Variants in CFAP299 observed in about 807,000 individuals in gnomAD.
CFAP299 encodes cilia- and flagella-associated protein 299.
A neutral mutation model predicts 27.0 loss-of-function variants in CFAP299; 21 were observed. That is an observed-to-expected ratio of 0.78 (90% CI 0.55 to 1.12). The LOEUF is 1.12. Ranked by LOEUF, CFAP299 falls within the 50% of genes most tolerant of loss-of-function variation. The probability of loss-of-function intolerance (pLI) is 0.00; values close to 1 mark genes in which losing one functional copy is unlikely to be tolerated. For missense variants in CFAP299, 310 were observed against 276.6 expected (o/e 1.12, Z -0.86); for synonymous variants, 104 against 98.1 (o/e 1.06, Z -0.36).
chr4:80,552,154 T>G (rs1159751642), intron 2 of CFAP299, among the ~76,000 whole-genome samples: 1 of 152,240 alleles, frequency 6.6e-6, no homozygotes, highest in East Asian at 1.9e-4. Flanking sequence ...TAGAAGGTAG[T>G]TTGTTTTCTT....
chr4:80,432,256 A>G (rs1578435873), intron 2 of CFAP299, among the ~76,000 whole-genome samples: 1 of 151,820 alleles, frequency 6.6e-6, no homozygotes, highest in African/African-American at 2.4e-5. Flanking sequence ...GGTTCAAGTG[A>G]TTCTCCTGCC....
rs200735611 is a variant in CFAP299, at chr4:80,866,142, G to GA, written c.334-3848dup. 7.4e-3 allele frequency among the ~76,000 whole-genome samples: 956 copies of GA among 128,724 alleles called. 7 individuals are homozygous for GA. Among genetic ancestry groups the GA allele is most frequent in the African/African-American group, 0.024 (906 of 37,478 alleles). The allele number at this position is 128,724 out of a possible 152,430, so 84.4% of individuals were successfully genotyped here. ...TTTTACACATATGTAACCATACTTG[G>GA]AAAGACATAATGAGGGAATTTACAT... On this transcript the variant is annotated intron_variant, in intron 3 of 5. Transcript: ENST00000358105.
chr4:80,957,203 A>G (rs551031952), intron 5 of CFAP299, among the ~76,000 whole-genome samples: 3 of 152,184 alleles, frequency 2.0e-5, no homozygotes, highest in African/African-American at 7.2e-5. Context: ...TTTTACCCAT[A>G]TTTTATACTT....
chr4:80,823,843 T>G (rs1729838705), intron 3 of CFAP299, among the ~76,000 whole-genome samples: 2 of 152,168 alleles, frequency 1.3e-5, no homozygotes, highest in Non-Finnish European at 2.9e-5. Flanking sequence ...AGCACTAATT[T>G]ATAGAATTAG....
chr4:80,651,517 C>T (rs190065054), intron 3 of CFAP299, among the ~76,000 whole-genome samples: 4 of 151,724 alleles, frequency 2.6e-5, no homozygotes, highest in East Asian at 3.9e-4. Flanking sequence ...AGTTGTGCGC[C>T]GCCACACCTA....
intron 2 of CFAP299, among the ~76,000 whole-genome samples, chr4:80,537,871 G>T (rs1198958630): frequency 6.6e-6 from 1 of 151,908 alleles, no homozygotes; most frequent in Non-Finnish European, 1.5e-5. Context: ...ATATTAATTA[G>T]CTTGATTTAA....
intron 3 of CFAP299, among the ~76,000 whole-genome samples, chr4:80,762,138 A>AAT (rs55693046): frequency 0.022 from 3,282 of 151,044 alleles, 50 homozygotes; most frequent in Non-Finnish European, 0.031. Flanking sequence ...ATAAATGAGA[A>AAT]ATATATATAT....
chr4:80,800,574 ATAAATATATAAT>A (rs1728487372), intron 3 of CFAP299, among the ~76,000 whole-genome samples: 1 of 79,424 alleles, frequency 1.3e-5, no homozygotes, highest in East Asian at 3.2e-4. Flanking sequence ...ATATATTAAT[ATAAATATATAAT>A]ATATAATATA....
Position 80,574,944 on chromosome 4 carries a change from T to A in CFAP299, c.243-8149T>A, listed in dbSNP as rs1578620264. ...TCTTTTTTTGATGTATCTTTGTAGG[T>A]AGTTTTGGTATCAAAGTAATACTGG... On this transcript the variant is annotated intron_variant, in intron 2 of 5. Coordinates refer to ENST00000358105, the MANE Select transcript of CFAP299 (RefSeq NM_152770.3). Among the ~76,000 whole-genome samples, 10 of 149,606 alleles carry A rather than the reference T, an allele frequency of 6.7e-5. No individual in the cohort carries two copies. In the South Asian group the frequency reaches 2.2e-3, roughly 33 times the overall value.
rs186752487 is a variant in CFAP299, at chr4:80,868,487, G to C, written c.334-1506G>C. On this transcript the variant is annotated intron_variant, in intron 3 of 5. Coordinates refer to ENST00000358105, the MANE Select transcript of CFAP299 (RefSeq NM_152770.3). ...TGCATTTTTGATTTCTCAGCTTTCT[G>C]TTGAGGCAATAAGTTCTATGCGCCT... 3.8e-3 allele frequency among the ~76,000 whole-genome samples: 582 copies of C among 152,212 alleles called. 1 individual carries two copies. Among genetic ancestry groups the C allele is most frequent in the Middle Eastern group, 0.014 (4 of 294 alleles).
chr4:80,904,331 T>A (rs1022628531), intron 4 of CFAP299, among the ~76,000 whole-genome samples: 1 of 152,134 alleles, frequency 6.6e-6, no homozygotes, highest in African/African-American at 2.4e-5. Context: ...TGGGAGTGCA[T>A]ATGAGCAAGT....
chr4:80,391,561 A>T (rs1352396184), intron 2 of CFAP299, among the ~76,000 whole-genome samples: 1 of 152,234 alleles, frequency 6.6e-6, no homozygotes, highest in Non-Finnish European at 1.5e-5. Flanking sequence ...CCATATGATT[A>T]TAATGAACCT....
chr4:80,819,758 A>G (rs1047779458), intron 3 of CFAP299, among the ~76,000 whole-genome samples: 5 of 152,146 alleles, frequency 3.3e-5, no homozygotes, highest in Non-Finnish European at 7.4e-5. Context: ...AGTAAGTACT[A>G]TGAGATCCTT....
Position 80,634,255 on chromosome 4 carries a change from T to C in CFAP299, c.333+51072T>C, listed in dbSNP as rs1485829148. ...CCTCGGCCTCCCAAAGTGCTGGGAT[T>C]ACTGTTGTGAGCCACCGCACATGGC... On this transcript the variant is annotated intron_variant, in intron 3 of 5. Coordinates refer to ENST00000358105, the MANE Select transcript of CFAP299 (RefSeq NM_152770.3). Among the ~76,000 whole-genome samples, 3 of 152,262 alleles carry C rather than the reference T, an allele frequency of 2.0e-5. No individual in the cohort carries two copies. In the South Asian group the frequency reaches 6.2e-4, roughly 32 times the overall value.
intron 2 of CFAP299, among the ~76,000 whole-genome samples, chr4:80,568,139 G>GAAAAATGA (rs1233362360): frequency 2.0e-5 from 3 of 151,648 alleles, no homozygotes; most frequent in African/African-American, 7.3e-5. Flanking sequence ...AACTTTTAGG[G>GAAAAATGA]AAAAATGAGT....
At chr4:80,377,463 A>G (rs1033474682) in intron 2 of CFAP299, among the ~76,000 whole-genome samples, 2 of 152,034 alleles carry the variant, frequency 1.3e-5, no homozygotes, top group Non-Finnish European at 2.9e-5. Context: ...TTTCTATTCT[A>G]TTCCACGGAT....
At chr4:80,482,320 T>G (rs536635523) in intron 2 of CFAP299, among the ~76,000 whole-genome samples, 1 of 152,234 alleles carries the variant, frequency 6.6e-6, no homozygotes, top group East Asian at 1.9e-4. Flanking sequence ...TTGTCACTTT[T>G]GTCTATCATT....
chr4:80,589,829 T>A (rs1355711575), intron 3 of CFAP299, among the ~76,000 whole-genome samples: 1 of 152,106 alleles, frequency 6.6e-6, no homozygotes, highest in East Asian at 1.9e-4. Context: ...TAAGAAACCA[T>A]GTTTGGTGAT....
At chr4:80,611,903 A>G (rs1285592955) in intron 3 of CFAP299, among the ~76,000 whole-genome samples, 2 of 152,054 alleles carry the variant, frequency 1.3e-5, no homozygotes, top group African/African-American at 4.8e-5. Flanking sequence ...TTCAAGTACA[A>G]GTGTATTTGG....
Sources: gnomAD v4.1 joint callset for allele counts (sites outside exome capture counted in the v4.1 genomes callset) on GRCh38, gnomAD v4.1.1 for gene constraint, MANE v1.5 for transcripts, NCBI Gene and HGNC (gene_info 2026-07-23, HGNC 2026-07-21) for gene names.